AGBL1: variants seen among roughly 807,000 people sequenced by gnomAD.
AGBL1 encodes the protein AGBL carboxypeptidase 1.
A neutral mutation model predicts 118.9 loss-of-function variants in AGBL1; 130 were observed. The observed-to-expected ratio is 1.09, with a 90% CI of 0.95 to 1.26. AGBL1 has a LOEUF of 1.26. Among genes scored for constraint, AGBL1 ranks in the 50% most tolerant of loss-of-function variants. The probability of loss-of-function intolerance (pLI) is 0.00; values close to 1 mark genes in which losing one functional copy is unlikely to be tolerated. For missense variants in AGBL1, 1,584 were observed against 1,298.1 expected, an observed-to-expected ratio of 1.22 and a Z score of -3.38; for synonymous variants, 555 against 478.9, an observed-to-expected ratio of 1.16 and a Z score of -2.08.
At chr15:86,936,573 T>C (rs529404449) in intron 23 of AGBL1, among the ~76,000 whole-genome samples, 2 of 152,314 alleles carry the variant, frequency 1.3e-5, no homozygotes, top group East Asian at 3.9e-4. Context: ...AGTCAATAAA[T>C]GGTGCTTGGA....
At chr15:86,979,285 C>T (rs1375596097) in intron 23 of AGBL1, among the ~76,000 whole-genome samples, 1 of 152,116 alleles carries the variant, frequency 6.6e-6, no homozygotes, top group Non-Finnish European at 1.5e-5. Context: ...ATTGAAAATG[C>T]AAACAAAAAT....
chr15:86,118,803 ATAAT>A (rs1214539648), intron 1 of AGBL1, among the ~76,000 whole-genome samples: 1 of 152,104 alleles, frequency 6.6e-6, no homozygotes, highest in African/African-American at 2.4e-5. Context: ...ATTTGTACTA[ATAAT>A]TAACCATGAG....
At chr15:86,841,841 C>G (rs1222979159) in intron 22 of AGBL1, among the ~76,000 whole-genome samples, 1 of 151,968 alleles carries the variant, frequency 6.6e-6, no homozygotes, top group Non-Finnish European at 1.5e-5. Flanking sequence ...GAGTGAAACT[C>G]CATCTCAAAA....
chr15:86,955,673 G>A (rs367627331), intron 23 of AGBL1, among the ~76,000 whole-genome samples: 8 of 152,032 alleles, frequency 5.3e-5, no homozygotes, highest in Admixed American at 2.0e-4. Flanking sequence ...GTCTTGGAAA[G>A]GTACTATGAA....
intron 6 of AGBL1, among the ~76,000 whole-genome samples, chr15:86,243,803 G>A (rs544312994): frequency 2.6e-5 from 4 of 152,232 alleles, no homozygotes; most frequent in African/African-American, 9.6e-5. Context: ...GAGGTCAGGA[G>A]TTCGAGCCCA....
chr15:86,098,587 T>C (rs150908116), intron 1 of AGBL1, among the ~76,000 whole-genome samples: 152 of 152,318 alleles, frequency 1.0e-3, no homozygotes, highest in African/African-American at 3.5e-3. Context: ...CCCCAGTGTA[T>C]GTTCTTGGTA....
chr15:86,135,242 A>G (rs900845831), intron 1 of AGBL1, among the ~76,000 whole-genome samples: 5 of 152,220 alleles, frequency 3.3e-5, no homozygotes, highest in Non-Finnish European at 7.3e-5. Flanking sequence ...TGATCTGCAC[A>G]TGCAGGCTCC....
At chr15:86,652,406 C>T (rs149954071) in intron 21 of AGBL1, among the ~76,000 whole-genome samples, 15 of 152,096 alleles carry the variant, frequency 9.9e-5, no homozygotes, top group East Asian at 7.8e-4. Context: ...CTTTAATGTT[C>T]GAGGCCAGAA....
At chr15:86,475,112 C>A (rs2082538577) in intron 18 of AGBL1, among the ~76,000 whole-genome samples, 1 of 152,134 alleles carries the variant, frequency 6.6e-6, no homozygotes, top group Non-Finnish European at 1.5e-5. Flanking sequence ...GATAAAACCA[C>A]AAAAGTGGGG....
At chr15:86,269,135 T>G (rs2079117795) in intron 13 of AGBL1, among the ~76,000 whole-genome samples, 1 of 152,088 alleles carries the variant, frequency 6.6e-6, no homozygotes, top group African/African-American at 2.4e-5. Flanking sequence ...GTCACACAAG[T>G]GGTTTCAGAT....
At chr15:86,469,150 G>A (rs2082444909) in intron 18 of AGBL1, among the ~76,000 whole-genome samples, 1 of 151,924 alleles carries the variant, frequency 6.6e-6, no homozygotes, top group Admixed American at 6.6e-5. Context: ...TTAACTATAG[G>A]CACCTTGAAG....
intron 7 of AGBL1, among the ~76,000 whole-genome samples, chr15:86,252,740 A>G (rs2078836358): frequency 6.6e-6 from 1 of 152,262 alleles, no homozygotes; most frequent in Admixed American, 6.5e-5. Context: ...GGTGGCCACC[A>G]GGCACAGACA....
chr15:86,217,809 T>C (rs2078213969), intron 5 of AGBL1, among the ~76,000 whole-genome samples: 1 of 151,810 alleles, frequency 6.6e-6, no homozygotes, highest in African/African-American at 2.4e-5. Context: ...TCTGCCAGAT[T>C]CAGTAGGGCC....
intron 23 of AGBL1, among the ~76,000 whole-genome samples, chr15:86,945,972 C>G (rs2080815631): frequency 6.6e-6 from 1 of 152,152 alleles, no homozygotes; most frequent in African/African-American, 2.4e-5. Flanking sequence ...TTCATCTACT[C>G]AACAGAAGAC....
intron 1 of AGBL1, among the ~76,000 whole-genome samples, chr15:86,124,242 A>G (rs1372007018): frequency 6.7e-6 from 1 of 149,868 alleles, no homozygotes; most frequent in Non-Finnish European, 1.5e-5. Context: ...AGGCAGGAGA[A>G]TTGCTTGAAC....
intron 21 of AGBL1, among the ~76,000 whole-genome samples, chr15:86,591,894 C>A (rs2084342155): frequency 1.3e-5 from 2 of 152,160 alleles, no homozygotes; most frequent in African/African-American, 4.8e-5. Context: ...CATCCTGAAG[C>A]TACCTAGGGG....
chr15:86,290,205 A>G (rs1373914438), intron 16 of AGBL1, among the ~76,000 whole-genome samples: 2 of 152,122 alleles, frequency 1.3e-5, no homozygotes, highest in African/African-American at 4.8e-5. Flanking sequence ...TAATGTTTAT[A>G]TTAATATAGT....
Position 86,778,419 on chromosome 15 carries a change from G to A in AGBL1, c.3158+103983G>A, listed in dbSNP as rs373676038. 3.5e-3 allele frequency among the ~76,000 whole-genome samples: 533 copies of A among 152,218 alleles called. 2 individuals are homozygous for A. Among genetic ancestry groups the A allele is most frequent in the Admixed American group, 7.5e-3 (115 of 15,278 alleles). On this transcript the variant is annotated intron_variant, in intron 22 of 22. Transcript: ENST00000614907. Reference sequence around the variant, plus strand: ...GTCCTAATAAGACTGGGAGTGCTACGGGAGACTGCGGCTTATTTCATCCCT... The same window carrying A: ...GTCCTAATAAGACTGGGAGTGCTACAGGAGACTGCGGCTTATTTCATCCCT...
chr15:86,885,056 A>G (rs1359818393), intron 22 of AGBL1, among the ~76,000 whole-genome samples: 1 of 152,136 alleles, frequency 6.6e-6, no homozygotes, highest in East Asian at 1.9e-4. Context: ...ATTTACATTT[A>G]AAAAGCTTTT....
Sources: allele counts gnomAD v4.1 joint callset (sites outside exome capture counted in the v4.1 genomes callset), GRCh38; gene constraint gnomAD v4.1.1; transcripts MANE v1.5; gene names NCBI Gene and HGNC (gene_info 2026-07-23, HGNC 2026-07-21).